The following NCOA6 variants were observed in gnomAD, a reference collection of about 807,000 sequenced individuals.
NCOA6 encodes NRC RAP250.
A neutral mutation model predicts 171.4 loss-of-function variants in NCOA6; 49 were observed. That is an observed-to-expected ratio of 0.29 (90% CI 0.23 to 0.36). NCOA6 has a LOEUF of 0.36. Ranked by LOEUF, NCOA6 falls within the 10% of genes least tolerant of loss-of-function variation. The probability of loss-of-function intolerance (pLI) is 1.00; values close to 1 mark genes in which losing one functional copy is unlikely to be tolerated. For synonymous variants in NCOA6, 910 were observed against 927.5 expected, an observed-to-expected ratio of 0.98 and a Z score of 0.34; for missense variants, 2,248 against 2,554.5, an observed-to-expected ratio of 0.88 and a Z score of 2.59.
intron 1 of NCOA6, among the ~76,000 whole-genome samples, chr20:34,817,066 T>C (rs2078859194): frequency 6.7e-6 from 1 of 149,788 alleles, no homozygotes; most frequent in Non-Finnish European, 1.5e-5. Context: ...GAGGTTGCAA[T>C]GAGCCAAGAT....
intron 1 of NCOA6, among the ~76,000 whole-genome samples, 162 bp from the exon 2 acceptor site, chr20:34,792,725 G>C (rs912815355): frequency 6.0e-5 from 9 of 150,938 alleles, no homozygotes; most frequent in African/African-American, 2.2e-4. Context: ...GGCATCTTTA[G>C]AGAATGTTAA....
intron 13 of NCOA6, among the ~76,000 whole-genome samples, chr20:34,731,849 C>T (rs749625467): frequency 1.4e-4 from 22 of 152,060 alleles, no homozygotes; most frequent in Non-Finnish European, 2.5e-4. Flanking sequence ...GGTGAAACCC[C>T]GTCTCTACTA....
intron 2 of NCOA6, among the ~76,000 whole-genome samples, chr20:34,791,711 G>T (rs1413309164): frequency 1.3e-5 from 2 of 152,162 alleles, no homozygotes; most frequent in East Asian, 3.8e-4. Flanking sequence ...CTGCTTGCCA[G>T]AGTAGTCACT....
intron 1 of NCOA6, among the ~76,000 whole-genome samples, chr20:34,814,904 T>G (rs1054587206): frequency 1.3e-5 from 2 of 152,144 alleles, no homozygotes; most frequent in African/African-American, 4.8e-5. Flanking sequence ...AAACATAATT[T>G]TTAAAATTTC....
chr20:34,740,868 A>G lies in NCOA6; in HGVS notation c.5388T>C (p.Leu1796=). The G allele has an allele frequency of 6.2e-7, 1 of 1,614,230 alleles. No homozygotes were observed. The highest frequency in any genetic ancestry group is 8.5e-7 in the Non-Finnish European group (1 of 1,180,042). Reference sequence around the variant, plus strand: ...CAGAGGACCCTGGACTATTGGTCAAAAGGGGAGAAACCATTGTGGTTGACT... The same window carrying G: ...CAGAGGACCCTGGACTATTGGTCAAGAGGGGAGAAACCATTGTGGTTGACT... ...SSQSTTMVSP[L]LTNSPGSSGN... Residue 1796 remains leucine (L), a synonymous_variant, in exon 11 of 15, where the codon CTT becomes CTC. Coordinates refer to ENST00000359003, the MANE Select transcript of NCOA6 (RefSeq NM_014071.5).
intron 5 of NCOA6, among the ~76,000 whole-genome samples, chr20:34,759,488 T>A (rs1017209568): frequency 2.0e-5 from 3 of 152,258 alleles, no homozygotes; most frequent in African/African-American, 7.2e-5. Flanking sequence ...AACAGTTCTG[T>A]TCTTGTTTAT....
chr20:34,735,552 G>A (rs1477027025), intron 12 of NCOA6, among the ~76,000 whole-genome samples: 1 of 151,782 alleles, frequency 6.6e-6, no homozygotes, highest in Non-Finnish European at 1.5e-5. Flanking sequence ...GCTGAGGCAG[G>A]AGAATGGTGT....
intron 2 of NCOA6, among the ~76,000 whole-genome samples, chr20:34,789,086 C>T (rs990521876): frequency 2.6e-5 from 4 of 152,138 alleles, no homozygotes; most frequent in Admixed American, 6.6e-5. Context: ...CTATAGGTTA[C>T]GTGGAAGCCT....
In NCOA6 at chr20:34,715,304, A is replaced by G; in HGVS notation, c.*18T>C. On this transcript the variant is annotated 3_prime_UTR_variant, in exon 15 of 15. Coordinates refer to ENST00000359003, the MANE Select transcript of NCOA6 (RefSeq NM_014071.5). ...AAGTCACACACATTTCCAAGTATCA[A>G]GTCGCAGTCCTGCTTGTTTACTTGG... 1 of 1,613,996 alleles carries G rather than the reference A, an allele frequency of 6.2e-7. No individual in the cohort carries two copies. Among genetic ancestry groups the G allele is most frequent in the Non-Finnish European group, 8.5e-7 (1 of 1,179,862 alleles).
chr20:34,776,188 T>G, intron 4 of NCOA6, 105 bp downstream of exon 4: 1 of 1,424,720 alleles, frequency 7.0e-7, no homozygotes, highest in South Asian at 1.4e-5. Context: ...CTTGGCATTC[T>G]GAAACACAAG....
intron 12 of NCOA6, among the ~76,000 whole-genome samples, chr20:34,734,152 C>T (rs1032189420): frequency 2.0e-5 from 3 of 152,132 alleles, no homozygotes; most frequent in East Asian, 1.9e-4. Flanking sequence ...GCAACCCCCA[C>T]CTCCAGGGTT....
chr20:34,715,245 T>C lies in NCOA6; in HGVS notation c.*77A>G, dbSNP rs564370165. On this transcript the variant is annotated 3_prime_UTR_variant, in exon 15 of 15. Coordinates refer to ENST00000359003, the MANE Select transcript of NCOA6 (RefSeq NM_014071.5). ...ATTACTAACTGTACAGAAATTGATT[T>C]AAAAAAGTCACAGCTCAAAATTGCT... is the stretch of plus-strand genomic sequence containing the variant. 8 of 1,596,410 alleles carry C rather than the reference T, an allele frequency of 5.0e-6. No homozygotes were observed. The highest frequency in any genetic ancestry group is 2.2e-5 in the East Asian group (1 of 44,592).
Position 34,758,033 on chromosome 20 carries a change from G to A in NCOA6, c.715C>T (p.Pro239Ser). ...QSHPSGSLAP[P>S]HHPMQPVSVN... ...GAGACAGGCTGCATTGGGTGATGTGGGGGAGCTAAAGATCCTGAGGGATGA... is the reference window on the plus strand; with the variant it reads ...GAGACAGGCTGCATTGGGTGATGTGAGGGAGCTAAAGATCCTGAGGGATGA... Residue 239 changes from proline to serine, a missense_variant, in exon 7 of 15, where the codon CCA becomes TCA. Physicochemically the swap from Pro to Ser is moderately conservative, Grantham distance 74. Around this residue, in one of 7 missense-constraint regions of NCOA6, gnomAD observed 987 missense variants for 1,104.7 expected, o/e 0.89. Coordinates refer to ENST00000359003, the MANE Select transcript of NCOA6 (RefSeq NM_014071.5). The A allele has an allele frequency of 1.2e-6, 2 of 1,614,112 alleles. No individual in the cohort carries two copies. The highest frequency in any genetic ancestry group is 2.2e-5 in the South Asian group (2 of 91,068).
intron 1 of NCOA6, among the ~76,000 whole-genome samples, chr20:34,796,814 C>T (rs1003296460): frequency 4.0e-5 from 6 of 148,446 alleles, no homozygotes; most frequent in Non-Finnish European, 7.5e-5. Flanking sequence ...GCTAGCATCC[C>T]GTCTCAAATT....
intron 14 of NCOA6, among the ~76,000 whole-genome samples, chr20:34,721,150 C>T (rs1173245176): frequency 6.8e-6 from 1 of 147,542 alleles, no homozygotes; most frequent in African/African-American, 2.5e-5. Context: ...TCACAAATGG[C>T]CAACTCTTTT....
At chr20:34,774,297 G>A (rs1169178980) in intron 4 of NCOA6, among the ~76,000 whole-genome samples, 1 of 152,132 alleles carries the variant, frequency 6.6e-6, no homozygotes, top group Non-Finnish European at 1.5e-5. Context: ...ATAGTTGTTC[G>A]ACTTCCACTT....
intron 13 of NCOA6, among the ~76,000 whole-genome samples, chr20:34,730,622 G>T (rs1203605679): frequency 1.3e-5 from 2 of 151,908 alleles, no homozygotes; most frequent in Non-Finnish European, 2.9e-5. Context: ...GGTATAGTAG[G>T]AGTAGCAATG....
chr20:34,778,315 A>AT (rs200485663), intron 3 of NCOA6, among the ~76,000 whole-genome samples: 1,537 of 152,338 alleles, frequency 0.01, 11 homozygotes, highest in Non-Finnish European at 0.014. Flanking sequence ...AATTCCACTT[A>AT]TATCAAGGAA....
chr20:34,781,706 T>A (rs183888899), intron 3 of NCOA6, among the ~76,000 whole-genome samples: 1 of 152,208 alleles, frequency 6.6e-6, no homozygotes, highest in Non-Finnish European at 1.5e-5. Flanking sequence ...ACTTCTGACA[T>A]AAAAGTTAAA....
Sources: gnomAD v4.1 joint callset for allele counts (sites outside exome capture counted in the v4.1 genomes callset) on GRCh38, gnomAD v4.1.1 for gene constraint, gnomAD v4.1.1 regional missense constraint, MANE v1.5 for transcripts, NCBI Gene and HGNC (gene_info 2026-07-23, HGNC 2026-07-21) for gene names.